CDH11: variants seen among roughly 807,000 people sequenced by gnomAD.
CDH11 encodes cadherin-11.
CDH11 carries 11 observed loss-of-function variants against 67.8 expected under a neutral mutation model. The ratio of observed to expected loss-of-function variants is 0.16; its 90% CI spans 0.10 to 0.27. CDH11 has a LOEUF of 0.27. CDH11 is among the 10% of genes least tolerant of loss of function. The pLI is 1.00. For missense variants in CDH11, 847 were observed against 1,031.2 expected, an observed-to-expected ratio of 0.82 and a Z score of 2.45; for synonymous variants, 419 against 400.0, an observed-to-expected ratio of 1.05 and a Z score of -0.57.
intron 1 of CDH11, among the ~76,000 whole-genome samples, chr16:65,109,061 C>T (rs1431756572): frequency 1.3e-5 from 2 of 152,000 alleles, no homozygotes; most frequent in Non-Finnish European, 2.9e-5. Context: ...GCAAGAGAAT[C>T]GCTTGAACGT....
chr16:64,973,173 T>C, intron 8 of CDH11, 133 bp from the exon 9 acceptor site: 1 of 925,152 alleles, frequency 1.1e-6, no homozygotes, highest in Admixed American at 2.8e-5. Context: ...TCTAATCAAA[T>C]TTACTTTTGA....
At chr16:64,973,871 T>A (rs1434983289) in intron 8 of CDH11, among the ~76,000 whole-genome samples, 1 of 152,106 alleles carries the variant, frequency 6.6e-6, no homozygotes, top group African/African-American at 2.4e-5. Context: ...GTTCATTTAG[T>A]TTCAGGGGTT....
chr16:65,051,550 T>G (rs1380612208), intron 2 of CDH11, among the ~76,000 whole-genome samples: 2 of 152,320 alleles, frequency 1.3e-5, no homozygotes, highest in East Asian at 3.9e-4. Context: ...AAGTTACTTA[T>G]CTTCCCTGAT....
At chr16:65,123,470 C>T (rs2075369647), upstream of CDH11, among the ~76,000 whole-genome samples, 1 of 151,860 alleles carries the variant, frequency 6.6e-6, no homozygotes, top group Admixed American at 6.6e-5. Context: ...AAAAAGAGGC[C>T]GAAAACGGAA....
chr16:64,966,454 A>G (rs1356912387), intron 11 of CDH11, among the ~76,000 whole-genome samples: 1 of 151,040 alleles, frequency 6.6e-6, no homozygotes, highest in Non-Finnish European at 1.5e-5. Flanking sequence ...CGGAGAAAGC[A>G]TCTGTCAGGT....
chr16:65,047,794 G>C (rs995785172), intron 2 of CDH11, among the ~76,000 whole-genome samples: 1 of 152,154 alleles, frequency 6.6e-6, no homozygotes, highest in Admixed American at 6.5e-5. Flanking sequence ...AACAACTTCT[G>C]TACTGTTCCC....
At chr16:64,961,164 G>A (rs1238474542) in intron 11 of CDH11, among the ~76,000 whole-genome samples, 1 of 152,074 alleles carries the variant, frequency 6.6e-6, no homozygotes, top group Non-Finnish European at 1.5e-5. Context: ...GAAATATCTA[G>A]AATTTGATGA....
At chr16:65,015,048 ATT>A (rs2073272525) in intron 2 of CDH11, among the ~76,000 whole-genome samples, 1 of 148,172 alleles carries the variant, frequency 6.7e-6, no homozygotes, top group Non-Finnish European at 1.5e-5. Context: ...TATTATTATT[ATT>A]ATTGAGAGAC....
Position 65,092,346 on chromosome 16 carries a change from C to T in CDH11, c.-298+29534G>A, listed in dbSNP as rs1014649750. ...AATTCTGGACTCCCAGGCCAATGTT[C>T]CTTCCACAGCTTTCCAGTGACGGCA... is the stretch of plus-strand genomic sequence containing the variant. On this transcript the variant is annotated intron_variant, in intron 1 of 12. Transcript: ENST00000268603. 1.2e-4 allele frequency among the ~76,000 whole-genome samples: 18 copies of T among 152,160 alleles called. No homozygotes were observed. In the East Asian group the frequency reaches 1.7e-3, roughly 15 times the overall value.
rs140233696 is a variant in CDH11 at position 65,083,601 on chromosome 16, T to A, written c.-297-29673A>T. Among the ~76,000 whole-genome samples, 30 of 152,246 alleles carry A rather than the reference T, an allele frequency of 2.0e-4. No homozygotes were observed. In the East Asian group the frequency reaches 5.6e-3, roughly 28 times the overall value. ...CATTCTAGCCATCCTGGCAAACAAA[T>A]CATTGCTGAGGCAAGACATATCTTG... On this transcript the variant is annotated intron_variant, in intron 1 of 12. Coordinates refer to ENST00000268603, the MANE Select transcript of CDH11 (RefSeq NM_001797.4).
intron 2 of CDH11, among the ~76,000 whole-genome samples, chr16:65,029,650 T>G (rs1037337464): frequency 1.3e-5 from 2 of 152,238 alleles, no homozygotes; most frequent in Non-Finnish European, 2.9e-5. Context: ...TTAATGAGCA[T>G]GCAGAACTGA....
At chr16:64,965,926 T>C (rs1766486374) in intron 11 of CDH11, among the ~76,000 whole-genome samples, 1 of 152,042 alleles carries the variant, frequency 6.6e-6, no homozygotes, top group Non-Finnish European at 1.5e-5. Context: ...TGAAGTGGTA[T>C]AGTGTTATTT....
chr16:65,070,113 G>A (rs2074391130), intron 1 of CDH11, among the ~76,000 whole-genome samples: 1 of 152,114 alleles, frequency 6.6e-6, no homozygotes, highest in African/African-American at 2.4e-5. Flanking sequence ...AAATCCCTTT[G>A]CACTCAGAGC....
intron 11 of CDH11, among the ~76,000 whole-genome samples, chr16:64,960,834 AAGAG>A (rs932940340): frequency 1.3e-4 from 19 of 151,714 alleles, no homozygotes; most frequent in Non-Finnish European, 2.1e-4. Context: ...GAATTTAAAA[AAGAG>A]AGAGAGAGAG....
intron 2 of CDH11, among the ~76,000 whole-genome samples, chr16:65,042,759 T>C (rs1405760044): frequency 1.3e-5 from 2 of 152,212 alleles, no homozygotes; most frequent in African/African-American, 2.4e-5. Flanking sequence ...GTATTTTTCA[T>C]TCAACTTCTG....
At chr16:65,075,478 G>A (rs568706816) in intron 1 of CDH11, among the ~76,000 whole-genome samples, 5 of 152,244 alleles carry the variant, frequency 3.3e-5, no homozygotes, top group Middle Eastern at 3.4e-3. Flanking sequence ...GTTGCAAATT[G>A]TCCTCTTCTC....
chr16:65,051,879 C>T (rs1017443742), intron 2 of CDH11, among the ~76,000 whole-genome samples: 3 of 152,200 alleles, frequency 2.0e-5, no homozygotes, highest in African/African-American at 7.2e-5. Context: ...AATTAAACCA[C>T]TTTCATTTAT....
At chr16:65,020,416 G>A (rs887036252) in intron 2 of CDH11, among the ~76,000 whole-genome samples, 40 of 152,086 alleles carry the variant, frequency 2.6e-4, no homozygotes, top group African/African-American at 9.7e-4. Context: ...TGCAACCTCC[G>A]CCTTCTGGGC....
chr16:65,098,072 G>A (rs988567625), intron 1 of CDH11, among the ~76,000 whole-genome samples: 1 of 152,096 alleles, frequency 6.6e-6, no homozygotes, highest in African/African-American at 2.4e-5. Context: ...TGCTCAACAC[G>A]ATGGAGAAAA....
Sources: allele counts gnomAD v4.1 joint callset (sites outside exome capture counted in the v4.1 genomes callset), GRCh38; gene constraint gnomAD v4.1.1; transcripts MANE v1.5; gene names NCBI Gene and HGNC (gene_info 2026-07-23, HGNC 2026-07-21).